The following SKAP1 variants were observed in gnomAD, a reference collection of about 807,000 sequenced individuals.
SKAP1 encodes src kinase-associated phosphoprotein 1.
Under a neutral mutation model 58.5 loss-of-function variants are expected in SKAP1, and 44 were observed. That is an observed-to-expected ratio of 0.75 (90% CI 0.59 to 0.97). The LOEUF (loss-of-function observed/expected upper bound fraction) is 0.97, where lower values mean the gene tolerates loss of function less well. Ranked by LOEUF, SKAP1 falls within the 50% of genes least tolerant of loss-of-function variation. The pLI, the probability that SKAP1 is intolerant of heterozygous loss-of-function variation, is 0.00. For missense variants in SKAP1, 390 were observed against 435.2 expected (o/e 0.90, Z 0.92); for synonymous variants, 127 against 149.7 (o/e 0.85, Z 1.11).
At chr17:48,318,036 G>T (rs1252480137) in intron 4 of SKAP1, among the ~76,000 whole-genome samples, 1 of 152,046 alleles carries the variant, frequency 6.6e-6, no homozygotes, top group African/African-American at 2.4e-5. Flanking sequence ...CCAGAAAAGC[G>T]CAAATAAACT....
rs55806288 is a variant in SKAP1 at position 48,205,088 on chromosome 17, TTCTCTC to T, written c.281-15594_281-15589del. Among the ~76,000 whole-genome samples the T allele has an allele frequency of 6.5e-4, 90 of 137,900 alleles. 1 individual carries two copies. Among genetic ancestry groups the T allele is most frequent in the South Asian group, 4.6e-3 (19 of 4,170 alleles). 90.5% of individuals were successfully genotyped at this position (137,900 alleles called of 152,430 possible). Reference sequence around the variant, plus strand: ...TCTCTCTCTCTCTTTCTTTCTTTCCTTCTCTCTCTCTCTCTCTCTCTCTGTCTCTTT... The same window carrying T: ...TCTCTCTCTCTCTTTCTTTCTTTCCTTCTCTCTCTCTCTCTCTGTCTCTTT... On this transcript the variant is annotated intron_variant, in intron 4 of 12. Coordinates refer to ENST00000336915, the MANE Select transcript of SKAP1 (RefSeq NM_003726.4).
intron 4 of SKAP1, among the ~76,000 whole-genome samples, chr17:48,206,155 T>C (rs1892630997): frequency 6.6e-6 from 1 of 152,172 alleles, no homozygotes; most frequent in South Asian, 2.1e-4. Context: ...CTGCAAAGTT[T>C]GGAAAGAATT....
chr17:48,304,936 A>C (rs1350451294), intron 4 of SKAP1, among the ~76,000 whole-genome samples: 1 of 152,224 alleles, frequency 6.6e-6, no homozygotes, highest in East Asian at 1.9e-4. Context: ...CTTTAATAGT[A>C]GTAATGAACT....
intron 11 of SKAP1, among the ~76,000 whole-genome samples, chr17:48,159,423 G>A (rs1360305639): frequency 6.6e-6 from 1 of 152,192 alleles, no homozygotes. Flanking sequence ...GATTTCCCTA[G>A]ATTCCTAAAC....
At chr17:48,412,374 T>C (rs757350358) in intron 1 of SKAP1, among the ~76,000 whole-genome samples, 26 of 152,184 alleles carry the variant, frequency 1.7e-4, no homozygotes, top group Admixed American at 3.3e-4. Flanking sequence ...GTTCTAAATA[T>C]ATGTGTTTTG....
At chr17:48,328,807 C>T (rs114624405) in intron 4 of SKAP1, among the ~76,000 whole-genome samples, 324 of 152,280 alleles carry the variant, frequency 2.1e-3, no homozygotes, top group African/African-American at 7.6e-3. Flanking sequence ...TTCTCCTCAA[C>T]CAGCCTATAT....
intron 4 of SKAP1, 113 bp downstream of exon 4, chr17:48,345,792 T>C (rs1160575636): frequency 5.7e-6 from 4 of 699,070 alleles, no homozygotes; most frequent in Non-Finnish European, 1.0e-5. Flanking sequence ...TGATTACCAG[T>C]ACAGAAAACC....
chr17:48,163,349 GC>G (rs1480803324), intron 10 of SKAP1, among the ~76,000 whole-genome samples: 1 of 152,194 alleles, frequency 6.6e-6, no homozygotes, highest in Admixed American at 6.5e-5. Flanking sequence ...GATTTACTGA[GC>G]TTCTCAGCAG....
chr17:48,374,434 C>G (rs1300279898), intron 2 of SKAP1, among the ~76,000 whole-genome samples: 1 of 152,114 alleles, frequency 6.6e-6, no homozygotes, highest in Admixed American at 6.5e-5. Context: ...CTCTCTTGAC[C>G]ATCTCTGTTC....
At chr17:48,198,001 G>C (rs938305796) in intron 4 of SKAP1, among the ~76,000 whole-genome samples, 2 of 152,158 alleles carry the variant, frequency 1.3e-5, no homozygotes, top group African/African-American at 4.8e-5. Flanking sequence ...ACTAATGATA[G>C]TATCTAAATA....
chr17:48,283,001 T>C (rs954832839), intron 4 of SKAP1, among the ~76,000 whole-genome samples: 1 of 152,184 alleles, frequency 6.6e-6, no homozygotes, highest in Admixed American at 6.5e-5. Flanking sequence ...CACAAACTAG[T>C]GCATTTTCTA....
At chr17:48,379,973 T>G (rs1431191284) in intron 2 of SKAP1, among the ~76,000 whole-genome samples, 3 of 152,144 alleles carry the variant, frequency 2.0e-5, no homozygotes, top group African/African-American at 7.2e-5. Flanking sequence ...TGAGCCACCG[T>G]GCCCGGCCTA....
intron 4 of SKAP1, among the ~76,000 whole-genome samples, chr17:48,218,600 G>A (rs1163256336): frequency 2.6e-5 from 4 of 152,206 alleles, no homozygotes; most frequent in African/African-American, 4.8e-5. Context: ...CGAAGAGCTT[G>A]TGTGCTACTC....
chr17:48,273,807 T>C (rs988176839), intron 4 of SKAP1, among the ~76,000 whole-genome samples: 2 of 152,218 alleles, frequency 1.3e-5, no homozygotes, highest in Non-Finnish European at 2.9e-5. Flanking sequence ...AATTGTCACC[T>C]GCAGCTTGTT....
At chr17:48,343,535 T>A (rs1429598221) in intron 4 of SKAP1, among the ~76,000 whole-genome samples, 1 of 138,582 alleles carries the variant, frequency 7.2e-6, no homozygotes, top group Non-Finnish European at 1.5e-5. Context: ...CCATTGACTA[T>A]GTCACTTTGG....
At chr17:48,396,879 T>C (rs546700457) in intron 1 of SKAP1, 94 bp from the exon 2 acceptor site, 3 of 842,150 alleles carry the variant, frequency 3.6e-6, no homozygotes, top group Non-Finnish European at 5.8e-6. Context: ...TATACATATG[T>C]AACTAACCTG....
At chr17:48,390,967 C>G (rs1212227396) in intron 2 of SKAP1, among the ~76,000 whole-genome samples, 8 of 151,922 alleles carry the variant, frequency 5.3e-5, no homozygotes, top group Admixed American at 3.3e-4. Flanking sequence ...CCCAGCTACT[C>G]GGGTGGCTGA....
intron 3 of SKAP1, among the ~76,000 whole-genome samples, chr17:48,357,095 GCTGT>G (rs1459596309): frequency 6.6e-6 from 1 of 152,048 alleles, no homozygotes. Context: ...GGGCATTTAG[GCTGT>G]CTGTTTGCTA....
intron 4 of SKAP1, among the ~76,000 whole-genome samples, chr17:48,233,381 T>C (rs952847223): frequency 3.3e-5 from 5 of 152,176 alleles, no homozygotes; most frequent in Middle Eastern, 3.2e-3. Flanking sequence ...AGGATGGCAG[T>C]GCTAGAATGT....
Sources: allele counts gnomAD v4.1 joint callset (sites outside exome capture counted in the v4.1 genomes callset), GRCh38; gene constraint gnomAD v4.1.1; transcripts MANE v1.5; gene names NCBI Gene and HGNC (gene_info 2026-07-23, HGNC 2026-07-21).